The following C3orf20 variants were observed in gnomAD, a reference collection of about 807,000 sequenced individuals.
The protein encoded by C3orf20 is family with sequence similarity 149 member C, also known as uncharacterized protein C3orf20.
A neutral mutation model predicts 88.3 loss-of-function variants in C3orf20; 76 were observed. The observed-to-expected ratio is 0.86, with a 90% CI of 0.72 to 1.04. C3orf20 has a LOEUF of 1.04. Ranked by LOEUF, C3orf20 falls within the 50% of genes least tolerant of loss-of-function variation. C3orf20 has a pLI of 0.00. For missense variants in C3orf20, 1,056 were observed against 1,123.3 expected, an observed-to-expected ratio of 0.94 and a Z score of 0.86; for synonymous variants, 436 against 437.4, an observed-to-expected ratio of 1.00 and a Z score of 0.04.
intron 4 of C3orf20, among the ~76,000 whole-genome samples, chr3:14,688,545 AAG>A (rs2032558969): frequency 6.6e-6 from 1 of 150,854 alleles, no homozygotes; most frequent in African/African-American, 2.4e-5. Flanking sequence ...AAAAAAAAAA[AAG>A]AAAAAAAAGA....
At position 14,772,141 on chromosome 3, in the gene C3orf20, G is replaced by A; in HGVS notation, c.2570G>A (p.Ser857Asn). 1 of 1,614,234 alleles carries A rather than the reference G, an allele frequency of 6.2e-7. No individual in the cohort carries two copies. Among genetic ancestry groups the A allele is most frequent in the South Asian group, 1.1e-5 (1 of 91,080 alleles). ...GCCGAGTCAGAAGATATCCAAGGAA[G>A]CAGCTCCTCATTGGCCCTGGAAGAC... The part of the protein sequence containing the change: ...KKAESEDIQG[S>N]SSSLALEDYV... The change falls in exon 16 of 17, where the codon AGC (serine) becomes AAC (asparagine). Residue 857 changes from serine to asparagine, a missense_variant. By Grantham distance (46) the Ser-to-Asn change is conservative. Coordinates refer to ENST00000253697, the MANE Select transcript of C3orf20 (RefSeq NM_032137.5). This position sits in a 1 kb window ranked among gnomAD's most constrained non-coding sequence, Gnocchi z 4.2.
chr3:14,680,229 G>A (rs958640437), intron 1 of C3orf20, among the ~76,000 whole-genome samples: 1 of 151,978 alleles, frequency 6.6e-6, no homozygotes, highest in Non-Finnish European at 1.5e-5. Context: ...ATTCATAATA[G>A]CCAAAAAATA....
intron 15 of C3orf20, among the ~76,000 whole-genome samples, chr3:14,770,154 G>A (rs1419154462): frequency 6.6e-6 from 1 of 152,120 alleles, no homozygotes; most frequent in Non-Finnish European, 1.5e-5. Flanking sequence ...TGGACCATAG[G>A]CCCAGACACT....
chr3:14,761,730 A>C (rs1575162472), intron 15 of C3orf20, 115 bp downstream of exon 15: 3 of 364,014 alleles, frequency 8.2e-6, no homozygotes, highest in Non-Finnish European at 1.6e-5. Context: ...GAAGGGATGG[A>C]GTGGGGAGGG....
At chr3:14,757,770 C>T (rs1575158479) in intron 13 of C3orf20, 96 bp downstream of exon 13, 23 of 1,239,472 alleles carry the variant, frequency 1.9e-5, no homozygotes, top group Non-Finnish European at 2.5e-5. Context: ...TGGCTGAGCA[C>T]CTGCCTGAGG....
intron 12 of C3orf20, among the ~76,000 whole-genome samples, chr3:14,747,809 G>A (rs2035100250): frequency 6.6e-6 from 1 of 151,870 alleles, no homozygotes; most frequent in African/African-American, 2.4e-5. Flanking sequence ...GTTGAGGCTA[G>A]GAAGACAAAG....
intron 8 of C3orf20, 110 bp downstream of exon 8, chr3:14,714,269 T>C: frequency 8.1e-7 from 1 of 1,231,102 alleles, no homozygotes; most frequent in South Asian, 1.3e-5. Context: ...CCAGGCGGTG[T>C]CCAGAGATCT....
chr3:14,728,336 A>T, intron 11 of C3orf20, 103 bp from the exon 12 acceptor site: 1 of 1,412,298 alleles, frequency 7.1e-7, no homozygotes, highest in South Asian at 1.3e-5. Flanking sequence ...AGGGGAGGAG[A>T]TGGGGGTGAG....
intron 6 of C3orf20, among the ~76,000 whole-genome samples, chr3:14,704,098 G>T (rs2033395208): frequency 6.6e-6 from 1 of 152,092 alleles, no homozygotes; most frequent in East Asian, 1.9e-4. Flanking sequence ...TACTCCATAG[G>T]TCCTCACCCT....
At chr3:14,685,487 TGC>T (rs1427859846) in intron 4 of C3orf20, among the ~76,000 whole-genome samples, 1 of 140,958 alleles carries the variant, frequency 7.1e-6, no homozygotes, top group Non-Finnish European at 1.5e-5. Flanking sequence ...TCTCTGTGCG[TGC>T]GTGCGTGTGT....
chr3:14,755,395 A>T (rs952304459), intron 12 of C3orf20, among the ~76,000 whole-genome samples: 1 of 152,118 alleles, frequency 6.6e-6, no homozygotes, highest in Non-Finnish European at 1.5e-5. Flanking sequence ...TAATTTCCCC[A>T]TATTTTCTAG....
Position 14,689,998 on chromosome 3 carries a change from G to C in C3orf20, c.627G>C (p.Glu209Asp), listed in dbSNP as rs2032637701. Residue 209 changes from glutamate to aspartate, a missense_variant and splice_region_variant, in exon 5 of 17, where the codon GAG becomes GAC. Coordinates refer to ENST00000253697, the MANE Select transcript of C3orf20 (RefSeq NM_032137.5). ...SGYSSGQLWK[E>D]SLANMSAIGV... ...GAATCTCTCTCTCTCCCACTCCAGA[G>C]TCCCTCGCAAACATGTCCGCCATTG... 6.2e-7 allele frequency: 1 copy of C among 1,614,058 alleles called. No homozygotes were observed. Among genetic ancestry groups the C allele is most frequent in the Admixed American group, 1.7e-5 (1 of 60,004 alleles).
chr3:14,762,393 A>C (rs2035588176), intron 15 of C3orf20, among the ~76,000 whole-genome samples: 1 of 152,230 alleles, frequency 6.6e-6, no homozygotes, highest in Non-Finnish European at 1.5e-5. Context: ...CAAGAAGAAT[A>C]CATCCTAGTC....
chr3:14,735,737 G>A (rs2034687275), intron 12 of C3orf20, among the ~76,000 whole-genome samples: 1 of 151,822 alleles, frequency 6.6e-6, no homozygotes, highest in South Asian at 2.1e-4. Context: ...GGGATTACAG[G>A]TGCCCACCAC....
intron 11 of C3orf20, among the ~76,000 whole-genome samples, chr3:14,727,469 T>C (rs1281936417): frequency 1.3e-5 from 2 of 152,172 alleles, no homozygotes; most frequent in East Asian, 3.9e-4. Context: ...CTCTCTAGGC[T>C]GTCCCTGTTA....
At chr3:14,705,871 T>A (rs995778903) in intron 7 of C3orf20, among the ~76,000 whole-genome samples, 3 of 152,170 alleles carry the variant, frequency 2.0e-5, no homozygotes, top group African/African-American at 7.2e-5. Flanking sequence ...ACAAAAGGAA[T>A]TCTGTGGCCA....
intron 1 of C3orf20, among the ~76,000 whole-genome samples, chr3:14,677,831 TAA>T (rs2124871165): frequency 6.6e-6 from 1 of 152,288 alleles, no homozygotes; most frequent in East Asian, 1.9e-4. Context: ...TAGGCAGAAA[TAA>T]GTGTGCTGTG....
At position 14,742,692 on chromosome 3, in the gene C3orf20, G is replaced by A. The variant is rs1017925783; in HGVS notation, c.1940+14004G>A. 7.2e-5 allele frequency among the ~76,000 whole-genome samples: 11 copies of A among 152,232 alleles called. No homozygotes were observed. The East Asian group carries it at 9.6e-4, about 13-fold the overall frequency. ...TCATGCTGCTGATAAAGACATACCC[G>A]AAACTGGGAACAAAAAAAGGTTTAA... On this transcript the variant is annotated intron_variant, in intron 12 of 16. Coordinates refer to ENST00000253697, the MANE Select transcript of C3orf20 (RefSeq NM_032137.5).
intron 7 of C3orf20, among the ~76,000 whole-genome samples, chr3:14,712,849 A>T (rs1443828531): frequency 1.3e-5 from 2 of 152,180 alleles, no homozygotes; most frequent in East Asian, 3.8e-4. Context: ...CTAGTGATTA[A>T]CTTCCTCAAT....
Sources: gnomAD v4.1 joint callset for allele counts (sites outside exome capture counted in the v4.1 genomes callset) on GRCh38, gnomAD v4.1.1 for gene constraint, Gnocchi (gnomAD v3.1) non-coding constraint, MANE v1.5 for transcripts, NCBI Gene and HGNC (gene_info 2026-07-23, HGNC 2026-07-21) for gene names.